Variants in DOCK8 observed in about 807,000 individuals in gnomAD.
DOCK8 encodes dedicator of cytokinesis protein 8.
DOCK8 carries 141 observed loss-of-function variants against 245.6 expected under a neutral mutation model. The observed-to-expected ratio is 0.57, with a 90% confidence interval of 0.50 to 0.66. The LOEUF (loss-of-function observed/expected upper bound fraction) is 0.66, where lower values mean the gene tolerates loss of function less well. Among genes scored for constraint, DOCK8 ranks in the 30% least tolerant of loss-of-function variants. The probability of loss-of-function intolerance (pLI) is 0.00; values close to 1 mark genes in which losing one functional copy is unlikely to be tolerated. For missense variants in DOCK8, 2,965 were observed against 2,603.4 expected, an observed-to-expected ratio of 1.14 and a Z score of -3.02; for synonymous variants, 1,168 against 970.2, an observed-to-expected ratio of 1.20 and a Z score of -3.79.
intron 24 of DOCK8, among the ~76,000 whole-genome samples, chr9:394,751 C>A (rs915444525): frequency 6.6e-6 from 1 of 152,196 alleles, no homozygotes; most frequent in African/African-American, 2.4e-5. Context: ...GCCACAAAGG[C>A]CCATATAGGG....
At chr9:461,023 T>C (rs113039428) in intron 46 of DOCK8, among the ~76,000 whole-genome samples, 1 of 152,224 alleles carries the variant, frequency 6.6e-6, no homozygotes, top group East Asian at 1.9e-4. Context: ...ATTTGTAAGT[T>C]CCCTTGGGTA....
At chr9:338,886 A>G (rs1314757509) in intron 12 of DOCK8, 120 bp from the exon 13 acceptor site, 29 of 801,844 alleles carry the variant, frequency 3.6e-5, no homozygotes, top group South Asian at 1.0e-4. Context: ...CTATAATCCT[A>G]ATTTCTATGA....
chr9:391,847 A>G (rs2054205843), intron 24 of DOCK8, among the ~76,000 whole-genome samples: 1 of 132,304 alleles, frequency 7.6e-6, no homozygotes, highest in Non-Finnish European at 1.6e-5. Flanking sequence ...TTTTTTTTAA[A>G]GAGAGTCTAG....
intron 9 of DOCK8, among the ~76,000 whole-genome samples, chr9:331,679 A>T (rs143715525): frequency 8.7e-4 from 132 of 152,318 alleles, no homozygotes; most frequent in African/African-American, 3.2e-3. Flanking sequence ...TGGTGCCCAA[A>T]TTTATGACAA....
At chr9:439,599 G>A (rs1269451328) in intron 40 of DOCK8, among the ~76,000 whole-genome samples, 1 of 152,210 alleles carries the variant, frequency 6.6e-6, no homozygotes, top group Non-Finnish European at 1.5e-5. Context: ...TTTCATCACA[G>A]TGCCGATCTG....
At chr9:307,021 A>G (rs963375858) in intron 5 of DOCK8, among the ~76,000 whole-genome samples, 1 of 152,116 alleles carries the variant, frequency 6.6e-6, no homozygotes, top group Admixed American at 6.6e-5. Context: ...GTGATTCTGG[A>G]AGTACCAAAA....
At chr9:316,913 A>G (rs2050371442) in intron 6 of DOCK8, 130 bp from the exon 7 acceptor site, 1 of 735,928 alleles carries the variant, frequency 1.4e-6, no homozygotes, top group Non-Finnish European at 2.5e-6. Context: ...TAAAAGGCAG[A>G]GTGTTAGAAA....
intron 24 of DOCK8, among the ~76,000 whole-genome samples, chr9:395,465 G>C (rs1284216685): frequency 1.3e-5 from 2 of 152,234 alleles, no homozygotes; most frequent in East Asian, 3.9e-4. Flanking sequence ...TCCTGGGAGT[G>C]GAAGTCCCCT....
intron 2 of DOCK8, chr9:280,801 A>G (rs2048546425): frequency 6.6e-6 from 1 of 152,258 alleles, no homozygotes; most frequent in African/African-American, 2.4e-5. Flanking sequence ...CTCTTGCAGG[A>G]GAACTCTCTT....
At chr9:428,306 TC>T in intron 34 of DOCK8, 55 bp from the exon 35 acceptor site, 1 of 1,612,856 alleles carries the variant, frequency 6.2e-7, no homozygotes, top group Non-Finnish European at 8.5e-7. Flanking sequence ...GTCAGGAACA[TC>T]CAGTTCATTG....
At chr9:252,929 G>A (rs935395166) in intron 1 of DOCK8, among the ~76,000 whole-genome samples, 1 of 152,166 alleles carries the variant, frequency 6.6e-6, no homozygotes, top group Non-Finnish European at 1.5e-5. Context: ...CTGAGAAATG[G>A]ATGAAGTTGG....
chr9:257,160 T>C (rs2047796765), intron 1 of DOCK8, among the ~76,000 whole-genome samples: 1 of 152,178 alleles, frequency 6.6e-6, no homozygotes. Flanking sequence ...TGAGAAAAGA[T>C]GGAGATGGTT....
chr9:375,492 C>A (rs1165088764), intron 18 of DOCK8, among the ~76,000 whole-genome samples: 5 of 152,190 alleles, frequency 3.3e-5, no homozygotes, highest in African/African-American at 1.2e-4. Context: ...ATTAAAATTT[C>A]ATGTCTTGTA....
chr9:399,885 A>T (rs2054665307), intron 26 of DOCK8, among the ~76,000 whole-genome samples: 1 of 151,756 alleles, frequency 6.6e-6, no homozygotes, highest in South Asian at 2.1e-4. Context: ...CATATCCCTA[A>T]TCTAGCCACT....
chr9:400,192 A>G (rs1219379771), intron 26 of DOCK8, among the ~76,000 whole-genome samples: 5 of 97,426 alleles, frequency 5.1e-5, no homozygotes, highest in African/African-American at 2.1e-4. Context: ...CTCCTTCACC[A>G]TCACCATCAC....
intron 1 of DOCK8, among the ~76,000 whole-genome samples, chr9:265,535 C>G (rs1037442133): frequency 5.3e-5 from 8 of 152,204 alleles, no homozygotes; most frequent in Non-Finnish European, 1.2e-4. Context: ...TACCCCACCC[C>G]TTTCACTATT....
intron 29 of DOCK8, 102 bp from the exon 30 acceptor site, chr9:417,964 CTG>C (rs2056099549): frequency 1.4e-6 from 2 of 1,463,750 alleles, no homozygotes; most frequent in African/African-American, 2.8e-5. Context: ...TTTGAAATTA[CTG>C]TGCTGACTTT....
At chr9:464,096 C>G (rs2057899537) in intron 47 of DOCK8, 63 bp from the exon 48 acceptor site, 1 of 1,407,146 alleles carries the variant, frequency 7.1e-7, no homozygotes, top group Non-Finnish European at 1.0e-6. Context: ...AAAAGGCTAA[C>G]TGATCTTTTC....
At chr9:215,584 A>T (rs1298404216) in intron 1 of DOCK8, 1 of 749,876 alleles carries the variant, frequency 1.3e-6, no homozygotes, top group Non-Finnish European at 1.9e-6. Context: ...CCCTGGTCCA[A>T]AGGAGCCATG....
Sources: gnomAD v4.1 joint callset for allele counts (sites outside exome capture counted in the v4.1 genomes callset) on GRCh38, gnomAD v4.1.1 for gene constraint, MANE v1.5 for transcripts, NCBI Gene and HGNC (gene_info 2026-07-23, HGNC 2026-07-21) for gene names.